RAC1: variants seen among roughly 807,000 people sequenced by gnomAD.
The protein encoded by RAC1 is ras-related C3 botulinum toxin substrate 1.
A neutral mutation model predicts 25.2 loss-of-function variants in RAC1; 2 were observed. The observed-to-expected ratio is 0.08, with a 90% confidence interval of 0.03 to 0.25. The LOEUF (loss-of-function observed/expected upper bound fraction) is 0.25, where lower values mean the gene tolerates loss of function less well. Ranked by LOEUF, RAC1 falls within the 10% of genes least tolerant of loss-of-function variation. The pLI is 1.00. For synonymous variants in RAC1, 88 were observed against 94.0 expected (o/e 0.94, Z 0.37); for missense variants, 50 against 235.7 (o/e 0.21, Z 5.16).
At chr7:6,374,793 G>A in intron 1 of RAC1, 23 bp downstream of exon 1, 1 of 1,116,744 alleles carries the variant, frequency 9.0e-7, no homozygotes, top group Non-Finnish European at 1.1e-6. Flanking sequence ...CCGGGGCCGG[G>A]CTGGAGGCCG....
Position 6,399,587 on chromosome 7 carries a change from T to C in RAC1, c.226-539T>C, listed in dbSNP as rs35087689. On this transcript the variant is annotated intron_variant, in intron 3 of 5. Transcript: ENST00000348035. ...TGGCTGTGCTGACTCTAGGGCAGCGTGAGGGTGGTTGTCAGCTGTGAAGGT... is the reference window on the plus strand; with the variant it reads ...TGGCTGTGCTGACTCTAGGGCAGCGCGAGGGTGGTTGTCAGCTGTGAAGGT... 1.8e-4 allele frequency among the ~76,000 whole-genome samples: 27 copies of C among 152,260 alleles called. 1 individual carries two copies. Among genetic ancestry groups the C allele is most frequent in the South Asian group, 8.3e-4 (4 of 4,822 alleles).
At chr7:6,380,102 C>A (rs1782722828) in intron 1 of RAC1, among the ~76,000 whole-genome samples, 1 of 152,164 alleles carries the variant, frequency 6.6e-6, no homozygotes, top group Non-Finnish European at 1.5e-5. Context: ...GTGAAAAATG[C>A]CTTCCGTGAC....
At chr7:6,385,500 C>T (rs895683311) in intron 1 of RAC1, among the ~76,000 whole-genome samples, 5 of 152,184 alleles carry the variant, frequency 3.3e-5, no homozygotes, top group African/African-American at 1.2e-4. Flanking sequence ...TAGGCTCCTG[C>T]TCATACAGGT....
chr7:6,401,999 G>C lies in RAC1; in HGVS notation c.420G>C (p.Pro140=), dbSNP rs11540456. 1.2e-6 allele frequency: 2 copies of C among 1,614,004 alleles called. No homozygotes were observed. The highest frequency in any genetic ancestry group is 1.7e-6 in the Non-Finnish European group (2 of 1,179,944). Residue 140 remains proline, a synonymous_variant, in exon 5 of 6, where the codon CCG becomes CCC. Coordinates refer to ENST00000348035, the MANE Select transcript of RAC1 (RefSeq NM_006908.5). The stretch of plus-strand genomic sequence containing the variant: ...AGAAGCTGACTCCCATCACCTATCC[G>C]CAGGGTCTAGCCATGGCTAAGGAGA... The part of the protein sequence containing the change: ...KEKKLTPITY[P]QGLAMAKEIG...
chr7:6,397,050 A>G (rs1226715734), intron 3 of RAC1, among the ~76,000 whole-genome samples: 5 of 144,742 alleles, frequency 3.5e-5, no homozygotes, highest in African/African-American at 7.6e-5. Flanking sequence ...AAAAAAAAAA[A>G]AAAAGAAAAG....
chr7:6,395,217 C>A (rs1329723748), intron 3 of RAC1, among the ~76,000 whole-genome samples: 1 of 152,152 alleles, frequency 6.6e-6, no homozygotes. Context: ...CCGCCTGCCT[C>A]TGCCTCCCAA....
chr7:6,378,221 C>T (rs1782660315), intron 1 of RAC1, among the ~76,000 whole-genome samples: 1 of 152,102 alleles, frequency 6.6e-6, no homozygotes, highest in South Asian at 2.1e-4. Context: ...TTCTGGGACC[C>T]TGACTGATAG....
chr7:6,382,977 T>TA (rs569542433), intron 1 of RAC1, among the ~76,000 whole-genome samples: 69 of 152,174 alleles, frequency 4.5e-4, no homozygotes, highest in African/African-American at 1.5e-3. Flanking sequence ...ACAGATAGGT[T>TA]AAAAAAAATT....
chr7:6,378,050 T>G (rs920160260), intron 1 of RAC1, among the ~76,000 whole-genome samples: 1 of 152,164 alleles, frequency 6.6e-6, no homozygotes, highest in African/African-American at 2.4e-5. Context: ...TTAAGGAAAC[T>G]CCTGCTCCTT....
At chr7:6,386,479 G>C (rs1173536540) in intron 1 of RAC1, among the ~76,000 whole-genome samples, 5 of 152,060 alleles carry the variant, frequency 3.3e-5, no homozygotes. Flanking sequence ...TTGTATATTA[G>C]TGTTAATTAA....
At position 6,403,837 on chromosome 7, in the gene RAC1, C is replaced by A; in HGVS notation, c.*1391C>A. 1 of 221,966 alleles carries A rather than the reference C, an allele frequency of 4.5e-6. No homozygotes were observed. The highest frequency in any genetic ancestry group is 9.0e-6 in the Non-Finnish European group (1 of 110,716). 13.7% of individuals were successfully genotyped at this position (221,966 alleles called of 1,614,324 possible). A position where few individuals can be genotyped will look rare whatever the true frequency, so the allele number is the denominator to read the frequency against. On this transcript the variant is annotated 3_prime_UTR_variant, in exon 6 of 6. Transcript: ENST00000348035. ...TCACTGGCGAGAATACAGCGTGGGA[C>A]CCTTCAGCCACTACAACAGAATTTT... is the stretch of plus-strand genomic sequence containing the variant.
At chr7:6,402,200 G>T in intron 5 of RAC1, 116 bp from the exon 6 acceptor site, 2 of 1,480,154 alleles carry the variant, frequency 1.4e-6, no homozygotes, top group Middle Eastern at 1.9e-4. Context: ...GAAGGTGGAA[G>T]CAGGGCTGGG....
chr7:6,387,782 T>G (rs1782964075), intron 2 of RAC1, among the ~76,000 whole-genome samples: 1 of 151,512 alleles, frequency 6.6e-6, no homozygotes, highest in South Asian at 2.1e-4. Context: ...ACTTTGCTAG[T>G]TGATTTTTAG....
intron 1 of RAC1, among the ~76,000 whole-genome samples, chr7:6,376,081 G>C (rs1480168473): frequency 6.7e-6 from 1 of 149,844 alleles, no homozygotes; most frequent in Non-Finnish European, 1.5e-5. Flanking sequence ...TCAGATGCAA[G>C]AAGGATAATT....
intron 2 of RAC1, among the ~76,000 whole-genome samples, chr7:6,387,577 T>C (rs1782957774): frequency 6.6e-6 from 1 of 152,004 alleles, no homozygotes; most frequent in Admixed American, 6.6e-5. Flanking sequence ...TACAAAAAAT[T>C]AGCCAGGTGT....
chr7:6,398,049 GGTCTT>G (rs1323740546), intron 3 of RAC1, among the ~76,000 whole-genome samples: 2 of 152,330 alleles, frequency 1.3e-5, no homozygotes, highest in Non-Finnish European at 2.9e-5. Context: ...CAGAATTGGA[GGTCTT>G]AGTGTCAGCA....
chr7:6,379,232 G>C (rs532409497), intron 1 of RAC1, among the ~76,000 whole-genome samples: 1 of 150,504 alleles, frequency 6.6e-6, no homozygotes, highest in Non-Finnish European at 1.5e-5. Context: ...CTCCCAAGTA[G>C]CTGGAACTAC....
intron 1 of RAC1, among the ~76,000 whole-genome samples, chr7:6,378,377 C>G (rs546508958): frequency 4.0e-5 from 6 of 151,836 alleles, no homozygotes; most frequent in Non-Finnish European, 8.8e-5. Context: ...AAAACCCTGT[C>G]TCTACTAAAA....
At chr7:6,374,886 G>C (rs992458832) in intron 1 of RAC1, 116 bp downstream of exon 1, 1 of 862,552 alleles carries the variant, frequency 1.2e-6, no homozygotes, top group Non-Finnish European at 1.4e-6. Context: ...TAGGCGGTGG[G>C]CCTGGGCCTG....
Sources: allele counts gnomAD v4.1 joint callset (sites outside exome capture counted in the v4.1 genomes callset), GRCh38; gene constraint gnomAD v4.1.1; transcripts MANE v1.5; gene names NCBI Gene and HGNC (gene_info 2026-07-23, HGNC 2026-07-21).